Variants in POLR3G observed in about 807,000 individuals in gnomAD.
POLR3G encodes RNA polymerase III subunit G.
A neutral mutation model predicts 30.1 loss-of-function variants in POLR3G; 28 were observed. The ratio of observed to expected loss-of-function variants is 0.93; its 90% CI spans 0.69 to 1.27. The LOEUF (loss-of-function observed/expected upper bound fraction) is 1.27, where lower values mean the gene tolerates loss of function less well. Among genes scored for constraint, POLR3G ranks in the 50% most tolerant of loss-of-function variants. The pLI, the probability that POLR3G is intolerant of heterozygous loss-of-function variation, is 0.00. For synonymous variants in POLR3G, 79 were observed against 82.5 expected (o/e 0.96, Z 0.23); for missense variants, 254 against 264.6 (o/e 0.96, Z 0.28).
intron 2 of POLR3G, 72 bp downstream of exon 2, chr5:90,485,756 G>T: frequency 9.6e-7 from 1 of 1,042,622 alleles, no homozygotes; most frequent in Admixed American, 2.0e-5. Flanking sequence ...ATTCTATATG[G>T]GACTGGATGT....
intron 5 of POLR3G, among the ~76,000 whole-genome samples, chr5:90,501,231 T>C (rs1006428847): frequency 6.6e-6 from 1 of 152,220 alleles, no homozygotes; most frequent in Non-Finnish European, 1.5e-5. Context: ...TTTGCACATA[T>C]ATATTTAAGG....
chr5:90,476,518 A>C (rs376705501), intron 1 of POLR3G, among the ~76,000 whole-genome samples: 1 of 152,226 alleles, frequency 6.6e-6, no homozygotes, highest in Non-Finnish European at 1.5e-5. Flanking sequence ...GGGCATTCTC[A>C]GCAGAGTAAT....
chr5:90,481,656 A>G (rs867534875), intron 1 of POLR3G, among the ~76,000 whole-genome samples: 10 of 152,166 alleles, frequency 6.6e-5, no homozygotes, highest in Admixed American at 1.3e-4. Context: ...AGTTTCTTAG[A>G]CAAATAGAAA....
intron 4 of POLR3G, among the ~76,000 whole-genome samples, chr5:90,497,190 G>A (rs1489614298): frequency 1.3e-5 from 2 of 151,826 alleles, no homozygotes; most frequent in Non-Finnish European, 2.9e-5. Context: ...TAATTTTAAA[G>A]TTTTCAGATA....
chr5:90,512,850 A>T lies in POLR3G; in HGVS notation c.*711A>T, dbSNP rs1280957065. ...TAATCATCCCACTGTAATAACTGAC[A>T]TCTTCAAATAGTTGGGCTTATGAAA... On this transcript the variant is annotated 3_prime_UTR_variant, in exon 8 of 8. Coordinates refer to ENST00000651687, the MANE Select transcript of POLR3G (RefSeq NM_006467.3). 6.6e-6 allele frequency: 1 copy of T among 152,200 alleles called. No homozygotes were observed. The highest frequency in any genetic ancestry group is 2.4e-5 in the African/African-American group (1 of 41,464). The allele number at this position is 152,200 out of a possible 1,614,324, so 9.4% of individuals were successfully genotyped here. A position where few individuals can be genotyped will look rare whatever the true frequency, so the allele number is the denominator to read the frequency against.
At chr5:90,486,861 CTTAT>C (rs1751462674) in intron 2 of POLR3G, among the ~76,000 whole-genome samples, 1 of 152,138 alleles carries the variant, frequency 6.6e-6, no homozygotes, top group African/African-American at 2.4e-5. Flanking sequence ...GGGACTTTGA[CTTAT>C]TTATCATGGT....
In POLR3G at chr5:90,485,633, C is replaced by G; in HGVS notation, c.66C>G (p.Ser22Arg). ...TTAATATTGAGGCTGTTGGATTTAG[C>G]AAAGGTGAAAAGTTACCTGATGTAG... ...YTFNIEAVGFSKGEKLPDVVL... is the reference protein window; with the variant it reads ...YTFNIEAVGFRKGEKLPDVVL... Residue 22 changes from serine to arginine, a missense_variant, in exon 2 of 8, where the codon AGC becomes AGG. Coordinates refer to ENST00000651687, the MANE Select transcript of POLR3G (RefSeq NM_006467.3). 6.2e-7 allele frequency: 1 copy of G among 1,613,986 alleles called. No individual in the cohort carries two copies. Among genetic ancestry groups the G allele is most frequent in the Non-Finnish European group, 8.5e-7 (1 of 1,179,972 alleles).
At chr5:90,488,441 C>T (rs1018257196) in intron 3 of POLR3G, among the ~76,000 whole-genome samples, 1 of 151,888 alleles carries the variant, frequency 6.6e-6, no homozygotes, top group African/African-American at 2.4e-5. Context: ...GTATATATTC[C>T]AGATTTTTTC....
At chr5:90,480,797 T>A (rs1751085113) in intron 1 of POLR3G, among the ~76,000 whole-genome samples, 1 of 152,210 alleles carries the variant, frequency 6.6e-6, no homozygotes, top group African/African-American at 2.4e-5. Flanking sequence ...CCCAGTGGTT[T>A]TGAGTAGGCC....
chr5:90,499,564 G>A (rs1224792638), intron 5 of POLR3G, among the ~76,000 whole-genome samples: 2 of 152,162 alleles, frequency 1.3e-5, no homozygotes, highest in Non-Finnish European at 2.9e-5. Flanking sequence ...GAGACAGCTA[G>A]CATAGATGAG....
chr5:90,498,836 G>C (rs1752113948), intron 5 of POLR3G, among the ~76,000 whole-genome samples: 1 of 152,154 alleles, frequency 6.6e-6, no homozygotes, highest in African/African-American at 2.4e-5. Flanking sequence ...ATAAAACTGA[G>C]CAAAGTGGGA....
rs532662414 is a variant in POLR3G, at chr5:90,498,230, G to GT, written c.355+532dup. Among the ~76,000 whole-genome samples, 450 of 151,198 alleles carry GT rather than the reference G, an allele frequency of 3.0e-3. 1 individual carries two copies. The highest frequency in any genetic ancestry group is 0.01 in the African/African-American group (413 of 41,200). ...GTTTTTTGTTGTTTGTCTTTTGGGT[G>GT]TTTTTTTTCTTAGTTGTTGCCTTTT... On this transcript the variant is annotated intron_variant, in intron 5 of 7. Transcript: ENST00000651687.
In POLR3G at chr5:90,487,987, T is replaced by C. The variant is rs755899890; in HGVS notation, c.118-13T>C. 1 of 1,521,942 alleles carries C rather than the reference T, an allele frequency of 6.6e-7. No individual in the cohort carries two copies. Among genetic ancestry groups the C allele is most frequent in the Admixed American group, 2.3e-5 (1 of 44,074 alleles). 94.3% of individuals were successfully genotyped at this position (1,521,942 alleles called of 1,614,324 possible). A position where few individuals can be genotyped will look rare whatever the true frequency, so the allele number is the denominator to read the frequency against. Reference sequence around the variant, plus strand: ...TTGATTTGAAAAAAATCTTTGTCTCTTAATTTAAACAGGATACAGATTATA... The same window carrying C: ...TTGATTTGAAAAAAATCTTTGTCTCCTAATTTAAACAGGATACAGATTATA... On this transcript the variant is annotated splice_polypyrimidine_tract_variant and intron_variant, in intron 2 of 7. Coordinates refer to ENST00000651687, the MANE Select transcript of POLR3G (RefSeq NM_006467.3).
At chr5:90,474,190 C>A (rs752780412), upstream of POLR3G, 1 of 1,610,010 alleles carries the variant, frequency 6.2e-7, no homozygotes. Flanking sequence ...GAGCCGCGCA[C>A]CAGCCAGATG....
intron 1 of POLR3G, among the ~76,000 whole-genome samples, chr5:90,484,096 T>C (rs2151901638): frequency 6.6e-6 from 1 of 152,332 alleles, no homozygotes; most frequent in East Asian, 1.9e-4. Context: ...AAACTGACTC[T>C]TGCCCAATCC....
chr5:90,488,245 A>G lies in POLR3G; in HGVS notation c.247+116A>G, dbSNP rs1458010245. ...GATTCGATTCAATAAAAAATTATCA[A>G]CTACTTTGAAAAAGCTATTTATGTT... is the stretch of plus-strand genomic sequence containing the variant. On this transcript the variant is annotated intron_variant, in intron 3 of 7. Transcript: ENST00000651687. 8 of 902,464 alleles carry G rather than the reference A, an allele frequency of 8.9e-6. No homozygotes were observed. The Admixed American group carries it at 2.0e-4, about 22-fold the overall frequency. 55.9% of individuals were successfully genotyped at this position (902,464 alleles called of 1,614,324 possible). A position where few individuals can be genotyped will look rare whatever the true frequency, so the allele number is the denominator to read the frequency against.
chr5:90,511,569 G>GATAGA (rs1421252378), intron 7 of POLR3G, among the ~76,000 whole-genome samples: 1 of 149,938 alleles, frequency 6.7e-6, no homozygotes, highest in Non-Finnish European at 1.5e-5. Flanking sequence ...AGAGGTCCTA[G>GATAGA]ATAGAATATA....
At position 90,495,290 on chromosome 5, in the gene POLR3G, G is replaced by A. The variant is rs141830008; in HGVS notation, c.248-387G>A. Among the ~76,000 whole-genome samples the A allele has an allele frequency of 3.8e-3, 580 of 152,236 alleles. 4 individuals are homozygous for A. Among genetic ancestry groups the A allele is most frequent in the African/African-American group, 0.013 (533 of 41,538 alleles). On this transcript the variant is annotated intron_variant, in intron 3 of 7. Transcript: ENST00000651687. ...CATGGCTTCAAGCTTTTGTGTGATA[G>A]TGTTGCTTTCCAACTTGTGCTGCTG...
upstream of POLR3G, chr5:90,474,339 C>A: frequency 6.5e-7 from 1 of 1,542,904 alleles, no homozygotes; most frequent in South Asian, 1.1e-5. Context: ...GCGTGCGAGT[C>A]TCCCACAGGC....
Sources: gnomAD v4.1 joint callset for allele counts (sites outside exome capture counted in the v4.1 genomes callset) on GRCh38, gnomAD v4.1.1 for gene constraint, MANE v1.5 for transcripts, NCBI Gene and HGNC (gene_info 2026-07-23, HGNC 2026-07-21) for gene names.